SOX30: variants seen among roughly 807,000 people sequenced by gnomAD.
The protein encoded by SOX30 is SRY-box transcription factor 30, also known as transcription factor SOX-30.
Under a neutral mutation model 58.6 loss-of-function variants are expected in SOX30, and 17 were observed. That is an observed-to-expected ratio of 0.29 (90% CI 0.20 to 0.44). The LOEUF (loss-of-function observed/expected upper bound fraction) is 0.44. Among genes scored for constraint, SOX30 ranks in the 20% least tolerant of loss-of-function variants. SOX30 has a pLI of 1.00. For missense variants in SOX30, 951 were observed against 965.8 expected (o/e 0.98, Z 0.20); for synonymous variants, 421 against 400.2 (o/e 1.05, Z -0.62).
At chr5:157,663,670 T>C (rs1759615872) in intron 2 of SOX30, among the ~76,000 whole-genome samples, 1 of 152,214 alleles carries the variant, frequency 6.6e-6, no homozygotes, top group African/African-American at 2.4e-5. Context: ...ATTGTCCCTG[T>C]TTGCAGATGA....
chr5:157,648,779 G>A lies in SOX30; in HGVS notation c.1085C>T (p.Ala362Val), dbSNP rs1759256403. 1 of 1,613,322 alleles carries A rather than the reference G, an allele frequency of 6.2e-7. No individual in the cohort carries two copies. The highest frequency in any genetic ancestry group is 8.5e-7 in the Non-Finnish European group (1 of 1,179,950). Residue 362 changes from alanine to valine, a missense_variant, in exon 2 of 5, where the codon GCC (alanine) becomes GTC (valine). Physicochemically the swap from Ala to Val is moderately conservative, Grantham distance 64. This residue lies in a region of SOX30 where 57 missense variants were observed against 104.0 expected (regional missense o/e 0.55). Coordinates refer to ENST00000265007, the MANE Select transcript of SOX30 (RefSeq NM_178424.2). ...CTGGACACTGATTTCTGCATTGTTG[G>A]CTGCTGGGTTAGCTTTGGCTAGTGC... ...RPALAKANPA[A>V]NNAEISVQLG...
upstream of SOX30, among the ~76,000 whole-genome samples, chr5:157,654,888 G>T (rs1266722883): frequency 1.3e-5 from 2 of 152,146 alleles, no homozygotes; most frequent in Non-Finnish European, 2.9e-5. Context: ...CCCTTGTTTA[G>T]CTTATCATCA....
chr5:157,635,298 T>G (rs1169850445), intron 4 of SOX30, among the ~76,000 whole-genome samples: 1 of 152,156 alleles, frequency 6.6e-6, no homozygotes, highest in Non-Finnish European at 1.5e-5. Context: ...GCAGTAATAG[T>G]ATTAACAAAA....
upstream of SOX30, among the ~76,000 whole-genome samples, chr5:157,656,796 AG>A (rs1270076233): frequency 2.6e-5 from 4 of 152,240 alleles, no homozygotes; most frequent in African/African-American, 9.6e-5. Context: ...TAAGTTAGAT[AG>A]AATGAAGCTG....
rs749018375 is a variant in SOX30, at chr5:157,638,546, G to C, written c.1564C>G (p.His522Asp). The change falls in exon 4 of 5, where the codon CAT becomes GAT. Residue 522 changes from histidine to aspartate, a missense_variant. Transcript: ENST00000265007. ...TGAGTGGCTTCAGAATGCAGCTGATGAGTGTCTGTTTGGGAAGGCCCAGTA... is the reference window on the plus strand; with the variant it reads ...TGAGTGGCTTCAGAATGCAGCTGATCAGTGTCTGTTTGGGAAGGCCCAGTA... ...RFTGPSQTDT[H>D]QLHSEATHTV... 2 of 1,614,086 alleles carry C rather than the reference G, an allele frequency of 1.2e-6. No individual in the cohort carries two copies. The highest frequency in any genetic ancestry group is 4.5e-5 in the East Asian group (2 of 44,888).
At chr5:157,665,458 A>G (rs2113859914) in intron 2 of SOX30, among the ~76,000 whole-genome samples, 1 of 152,232 alleles carries the variant, frequency 6.6e-6, no homozygotes, top group Non-Finnish European at 1.5e-5. Flanking sequence ...TGGGATTGGC[A>G]GAGCGGGGAG....
chr5:157,655,894 A>G (rs1392672069), upstream of SOX30, among the ~76,000 whole-genome samples: 3 of 152,228 alleles, frequency 2.0e-5, no homozygotes, highest in African/African-American at 7.2e-5. Context: ...GTTCTGTCAT[A>G]AAGAGGGGTA....
intron 1 of SOX30, among the ~76,000 whole-genome samples, chr5:157,669,064 G>T (rs1446585712): frequency 2.6e-5 from 4 of 152,160 alleles, no homozygotes; most frequent in Non-Finnish European, 5.9e-5. Flanking sequence ...TGTGCACCTG[G>T]GGCCCTGGCT....
At position 157,651,185 on chromosome 5, in the gene SOX30, C is replaced by A; in HGVS notation, c.894G>T (p.Met298Ile). 1.2e-6 allele frequency: 2 copies of A among 1,609,828 alleles called. No individual in the cohort carries two copies. The highest frequency in any genetic ancestry group is 1.7e-6 in the Non-Finnish European group (2 of 1,178,116). Residue 298 changes from methionine (M) to isoleucine (I), a missense_variant, in exon 1 of 5, where the codon ATG (methionine) becomes ATT (isoleucine). Coordinates refer to ENST00000265007, the MANE Select transcript of SOX30 (RefSeq NM_178424.2). ...KVPLTPVPTK[M>I]QSLLEPSVKI... ...TTACAGAAGGCTCCAGTAGGGACTG[C>A]ATTTTAGTAGGCACTGGTGTCAGGG...
At chr5:157,634,414 A>AC (rs1054070180) in intron 4 of SOX30, among the ~76,000 whole-genome samples, 6 of 152,152 alleles carry the variant, frequency 3.9e-5, no homozygotes, top group African/African-American at 1.4e-4. Flanking sequence ...ACAAGGTCTC[A>AC]CTAAATTGCC....
intron 4 of SOX30, among the ~76,000 whole-genome samples, chr5:157,633,880 C>T (rs1283686153): frequency 1.3e-5 from 2 of 152,154 alleles, no homozygotes; most frequent in Non-Finnish European, 2.9e-5. Context: ...ATTTTAAACA[C>T]ATTTTTTACC....
intron 2 of SOX30, among the ~76,000 whole-genome samples, chr5:157,658,721 C>T (rs1759526409): frequency 6.6e-6 from 1 of 152,112 alleles, no homozygotes; most frequent in Non-Finnish European, 1.5e-5. Context: ...TAAAATTATA[C>T]AAACCTTTAG....
Position 157,626,489 on chromosome 5 carries a change from C to T in SOX30, c.2113G>A (p.Glu705Lys), listed in dbSNP as rs1758658403. 2 of 1,614,174 alleles carry T rather than the reference C, an allele frequency of 1.2e-6. No individual in the cohort carries two copies. Among genetic ancestry groups the T allele is most frequent in the Non-Finnish European group, 1.7e-6 (2 of 1,180,044 alleles). The change falls in exon 5 of 5, where the codon GAA becomes AAA. Residue 705 changes from glutamate to lysine, a missense_variant. Coordinates refer to ENST00000265007, the MANE Select transcript of SOX30 (RefSeq NM_178424.2). ...SYYNSHSHSG[E>K]ENLNPVPQLD... ...TGAGGCACAGGGTTTAAGTTTTCTT[C>T]CCCACTGTGGCTATGACTGTTATAG...
intron 4 of SOX30, 58 bp from the exon 5 acceptor site, chr5:157,626,779 C>T: frequency 6.6e-7 from 1 of 1,514,610 alleles, no homozygotes; most frequent in Non-Finnish European, 8.8e-7. Context: ...GCCTTGCATA[C>T]AGACTAACAG....
intron 4 of SOX30, 92 bp downstream of exon 4, chr5:157,638,138 G>A: frequency 7.8e-7 from 1 of 1,278,986 alleles, no homozygotes; most frequent in Non-Finnish European, 1.1e-6. Flanking sequence ...CTGCTTTTCA[G>A]TATTTAAAAA....
At chr5:157,652,745 C>A (rs1439055868), upstream of SOX30, among the ~76,000 whole-genome samples, 1 of 152,208 alleles carries the variant, frequency 6.6e-6, no homozygotes, top group Non-Finnish European at 1.5e-5. Flanking sequence ...ATCCCAAATT[C>A]ATCCACTGTT....
chr5:157,634,094 G>T (rs150263004), intron 4 of SOX30, among the ~76,000 whole-genome samples: 1 of 152,212 alleles, frequency 6.6e-6, no homozygotes, highest in Non-Finnish European at 1.5e-5. Flanking sequence ...GCCCCAGAGA[G>T]GGGGAGCAGC....
intron 3 of SOX30, among the ~76,000 whole-genome samples, chr5:157,642,746 C>CA (rs939207497): frequency 6.6e-6 from 1 of 151,858 alleles, no homozygotes; most frequent in Non-Finnish European, 1.5e-5. Flanking sequence ...GAGGCAAATG[C>CA]AAAAAAACTA....
intron 2 of SOX30, among the ~76,000 whole-genome samples, chr5:157,662,561 T>G (rs1168808227): frequency 6.6e-6 from 1 of 152,210 alleles, no homozygotes; most frequent in Non-Finnish European, 1.5e-5. Context: ...ATAATTTCCC[T>G]GGAGGTTTTT....
Sources: allele counts gnomAD v4.1 joint callset (sites outside exome capture counted in the v4.1 genomes callset), GRCh38; gene constraint gnomAD v4.1.1; regional missense constraint gnomAD v4.1.1; transcripts MANE v1.5; gene names NCBI Gene and HGNC (gene_info 2026-07-23, HGNC 2026-07-21).